Variants in H2BC5 observed in about 807,000 individuals in gnomAD.
H2BC5 encodes the protein H2B clustered histone 5, also known as histone H2B type 1-D.
Under a neutral mutation model 5.7 loss-of-function variants are expected in H2BC5, and 9 were observed. That is an observed-to-expected ratio of 1.57 (90% CI 0.95 to 2.74). The LOEUF is 2.74. H2BC5 is among the 30% of genes most tolerant of loss of function. H2BC5 has a pLI of 0.00. For synonymous variants in H2BC5, 133 were observed against 70.9 expected (o/e 1.88, Z -4.40); for missense variants, 175 against 168.8 (o/e 1.04, Z -0.20).
chr6:26,159,248 T>TTTTTTG (rs1764305901), downstream of H2BC5, among the ~76,000 whole-genome samples: 1 of 135,504 alleles, frequency 7.4e-6, no homozygotes, highest in African/African-American at 2.8e-5. Flanking sequence ...TATAGGTTTT[T>TTTTTTG]TTTTTTTTTT....
downstream of H2BC5, among the ~76,000 whole-genome samples, chr6:26,161,951 A>T (rs1764358163): frequency 6.6e-6 from 1 of 152,208 alleles, no homozygotes; most frequent in African/African-American, 2.4e-5. Context: ...AAAATAATAT[A>T]AGAAAATAAA....
rs773285778 is a variant in H2BC5 at position 26,158,156 on chromosome 6, CTA to C, written c.-12_-11del. On this transcript the variant is annotated 5_prime_UTR_variant, in exon 1 of 1. Coordinates refer to ENST00000377777, the MANE Select transcript of H2BC5 (RefSeq NM_021063.4). ...TCAGGTGTTTGCAACAGTGTTCTAA[CTA>C]TTAACGCTACGATGCCTGAACCTAC... 3.1e-6 allele frequency: 5 copies of C among 1,610,226 alleles called. No individual in the cohort carries two copies. Among genetic ancestry groups the C allele is most frequent in the Non-Finnish European group, 4.2e-6 (5 of 1,178,592 alleles).
Position 26,158,158 on chromosome 6 carries a change from AT to A in H2BC5, c.-10del. 1.2e-6 allele frequency: 2 copies of A among 1,610,792 alleles called. No homozygotes were observed. Among genetic ancestry groups the A allele is most frequent in the Non-Finnish European group, 1.7e-6 (2 of 1,178,778 alleles). On this transcript the variant is annotated 5_prime_UTR_variant, in exon 1 of 1. Coordinates refer to ENST00000377777, the MANE Select transcript of H2BC5 (RefSeq NM_021063.4). ...AGGTGTTTGCAACAGTGTTCTAACT[AT>A]TAACGCTACGATGCCTGAACCTACC...
intron 1 of H2BC5, among the ~76,000 whole-genome samples, chr6:26,165,536 T>C (rs533041573): frequency 1.3e-5 from 2 of 152,268 alleles, no homozygotes; most frequent in South Asian, 2.1e-4. Flanking sequence ...AGGCCAAGTT[T>C]GTTTCAAACT....
downstream of H2BC5, chr6:26,161,337 C>T (rs1764349141): frequency 6.6e-6 from 1 of 152,048 alleles, no homozygotes; most frequent in Admixed American, 6.5e-5. Context: ...AATTATAAGA[C>T]AAATTGAAAT....
intron 1 of H2BC5, among the ~76,000 whole-genome samples, chr6:26,168,472 AT>A (rs1314433104): frequency 5.9e-5 from 9 of 151,942 alleles, no homozygotes; most frequent in Non-Finnish European, 2.9e-5. Context: ...AAAAAAAAAA[AT>A]AAATAAATTA....
rs773863671 is a variant in H2BC5 at position 26,158,388 on chromosome 6, C to T, written c.219C>T (p.Arg73=). The change falls in exon 1 of 1, where the codon CGC becomes CGT. Residue 73 remains arginine (R), a synonymous_variant. Transcript: ENST00000377777. ...MNSFVNDIFE[R]IAGEASRLAH... ...CCTTCGTCAACGACATCTTCGAGCG[C>T]ATCGCAGGCGAGGCTTCCCGCCTGG... 4 of 1,614,262 alleles carry T rather than the reference C, an allele frequency of 2.5e-6. No homozygotes were observed. Among genetic ancestry groups the T allele is most frequent in the South Asian group, 2.2e-5 (2 of 91,086 alleles).
intron 1 of H2BC5, among the ~76,000 whole-genome samples, chr6:26,164,847 T>C (rs949576796): frequency 6.6e-5 from 10 of 151,978 alleles, no homozygotes; most frequent in Non-Finnish European, 1.3e-4. Flanking sequence ...GGGTTTATCA[T>C]CACCATGTTC....
At chr6:26,159,617 C>A (rs1039188623), downstream of H2BC5, among the ~76,000 whole-genome samples, 2 of 151,910 alleles carry the variant, frequency 1.3e-5, no homozygotes. Flanking sequence ...ATACTTGAGA[C>A]GTGAAAAATG....
At chr6:26,168,985 T>A (rs1764479995) in intron 1 of H2BC5, among the ~76,000 whole-genome samples, 1 of 152,086 alleles carries the variant, frequency 6.6e-6, no homozygotes, top group South Asian at 2.1e-4. Context: ...ATTAATACAA[T>A]AAAAATTTTA....
chr6:26,162,026 A>G (rs547281366), downstream of H2BC5, among the ~76,000 whole-genome samples: 232 of 152,340 alleles, frequency 1.5e-3, 2 homozygotes, highest in African/African-American at 5.2e-3. Context: ...ATTTAAACAG[A>G]AAAATGATAC....
At chr6:26,158,671 A>G (rs757776716), downstream of H2BC5, 3 of 1,417,816 alleles carry the variant, frequency 2.1e-6, no homozygotes, top group South Asian at 1.4e-5. Context: ...TTAGCACCAC[A>G]GTACCAATCT....
chr6:26,161,087 A>G (rs760843321), downstream of H2BC5: 3 of 152,106 alleles, frequency 2.0e-5, no homozygotes, highest in Non-Finnish European at 4.4e-5. Context: ...ATGCACCTGT[A>G]ATCTCAACTA....
downstream of H2BC5, among the ~76,000 whole-genome samples, chr6:26,159,253 T>TTTTG (rs1764306694): frequency 7.2e-6 from 1 of 138,844 alleles, no homozygotes; most frequent in African/African-American, 2.7e-5. Context: ...GTTTTTTTTT[T>TTTTG]TTTTTTTTTT....
At chr6:26,169,084 C>G (rs1196318298) in intron 1 of H2BC5, among the ~76,000 whole-genome samples, 1 of 151,640 alleles carries the variant, frequency 6.6e-6, no homozygotes, top group Non-Finnish European at 1.5e-5. Flanking sequence ...GAAGTTAAAG[C>G]TAAGTTAATA....
At position 26,158,352 on chromosome 6, in the gene H2BC5, G is replaced by C. The variant is rs374777984; in HGVS notation, c.183G>C (p.Gly61=). Residue 61 remains glycine, a synonymous_variant, in exon 1 of 1, where the codon GGG becomes GGC. Transcript: ENST00000377777. Reference sequence around the variant, plus strand: ...CCGGCATCTCTTCCAAGGCAATGGGGATCATGAATTCCTTCGTCAACGACA... The same window carrying C: ...CCGGCATCTCTTCCAAGGCAATGGGCATCATGAATTCCTTCGTCAACGACA... The part of the protein sequence containing the change: ...PDTGISSKAM[G]IMNSFVNDIF... 410 of 1,614,162 alleles carry C rather than the reference G, an allele frequency of 2.5e-4. No homozygotes were observed. The highest frequency in any genetic ancestry group is 6.6e-4 in the Middle Eastern group (4 of 6,084).
intron 1 of H2BC5, chr6:26,163,778 GTTAT>G (rs978429519): frequency 9.1e-5 from 14 of 153,472 alleles, no homozygotes; most frequent in Non-Finnish European, 1.9e-4. Context: ...CTTTTTAAAC[GTTAT>G]TTATTTATTT....
rs140038730 is a variant in H2BC5, at chr6:26,158,426, A to G, written c.257A>G (p.Lys86Arg). 14 of 1,614,130 alleles carry G rather than the reference A, an allele frequency of 8.7e-6. No homozygotes were observed. The African/African-American group carries it at 1.2e-4, about 14-fold the overall frequency. Residue 86 changes from lysine to arginine, a missense_variant, in exon 1 of 1, where the codon AAG (lysine) becomes AGG (arginine). Around this residue, in one of 4 missense-constraint regions of H2BC5, gnomAD observed 43 missense variants for 37.7 expected, o/e 1.14. Coordinates refer to ENST00000377777, the MANE Select transcript of H2BC5 (RefSeq NM_021063.4). ...GEASRLAHYNKRSTITSREIQ... is the reference protein window; with the variant it reads ...GEASRLAHYNRRSTITSREIQ... ...GCTTCCCGCCTGGCGCATTACAACAAGCGCTCGACCATCACCTCCAGGGAG... is the reference window on the plus strand; with the variant it reads ...GCTTCCCGCCTGGCGCATTACAACAGGCGCTCGACCATCACCTCCAGGGAG...
At chr6:26,166,670 G>A (rs572277074) in intron 1 of H2BC5, among the ~76,000 whole-genome samples, 1 of 149,542 alleles carries the variant, frequency 6.7e-6, no homozygotes, top group Admixed American at 6.7e-5. Context: ...TGGTCGGCAC[G>A]AGCAGAGGGG....
Sources: gnomAD v4.1 joint callset for allele counts (sites outside exome capture counted in the v4.1 genomes callset) on GRCh38, gnomAD v4.1.1 for gene constraint, gnomAD v4.1.1 regional missense constraint, MANE v1.5 for transcripts, NCBI Gene and HGNC (gene_info 2026-07-23, HGNC 2026-07-21) for gene names.